The following TET2 variants were observed in gnomAD, a reference collection of about 807,000 sequenced individuals.
TET2 encodes tet methylcytosine dioxygenase 2, also known as methylcytosine dioxygenase TET2.
A neutral mutation model predicts 142.9 loss-of-function variants in TET2; 299 were observed. That is an observed-to-expected ratio of 2.09 (90% CI 1.90 to 2.30). TET2 has a LOEUF of 2.30. Ranked by LOEUF, TET2 falls within the 30% of genes most tolerant of loss-of-function variation. The pLI is 0.00. For missense variants in TET2, 2,418 were observed against 2,378.0 expected, an observed-to-expected ratio of 1.02 and a Z score of -0.35; for synonymous variants, 819 against 849.0, an observed-to-expected ratio of 0.96 and a Z score of 0.61.
intron 2 of TET2, among the ~76,000 whole-genome samples, chr4:105,194,911 A>G (rs1195283499): frequency 6.6e-6 from 1 of 152,164 alleles, no homozygotes; most frequent in African/African-American, 2.4e-5. Flanking sequence ...ACTCTTATAC[A>G]TGGTGTCTTG....
chr4:105,157,731 C>T (rs1014414376), intron 1 of TET2, among the ~76,000 whole-genome samples: 2 of 152,088 alleles, frequency 1.3e-5, no homozygotes, highest in Non-Finnish European at 2.9e-5. Context: ...GGCTGGAGTG[C>T]AGTGGCATGA....
intron 4 of TET2, chr4:105,242,124 T>G (rs1729337868): frequency 8.5e-7 from 1 of 1,169,596 alleles, no homozygotes; most frequent in African/African-American, 1.6e-5. Context: ...ATTAAAGTAC[T>G]TAGGATACAT....
At chr4:105,182,720 A>AT (rs1458341104) in intron 1 of TET2, among the ~76,000 whole-genome samples, 1 of 152,144 alleles carries the variant, frequency 6.6e-6, no homozygotes, top group Non-Finnish European at 1.5e-5. Context: ...TACTGAAGGA[A>AT]TTTTTTTAAA....
intron 1 of TET2, among the ~76,000 whole-genome samples, chr4:105,159,251 CTTTTTTT>C (rs779676545): frequency 1.9e-4 from 25 of 134,576 alleles, no homozygotes; most frequent in Admixed American, 8.2e-4. Flanking sequence ...TTCTTTCTTT[CTTTTTTT>C]TTTTTTTTTT....
Position 105,235,946 on chromosome 4 carries a change from AC to A in TET2, c.2006del (p.Pro669GlnfsTer31). On this transcript the variant is annotated frameshift_variant, in exon 3 of 11. Coordinates refer to ENST00000380013, the MANE Select transcript of TET2 (RefSeq NM_001127208.3). LOFTEE classifies it high-confidence loss of function. ...TGCACTTCTCCAAAACAGACCATTT[AC>A]CAAAAGCTCATGTGCAGTCACTGTG... ...QVHFSKTDHL[P>X]KAHVQSLCGT... The A allele has an allele frequency of 6.2e-7, 1 of 1,614,162 alleles. No individual in the cohort carries two copies. Among genetic ancestry groups the A allele is most frequent in the Non-Finnish European group, 8.5e-7 (1 of 1,180,012 alleles).
chr4:105,154,356 G>A (rs1723458704), intron 1 of TET2, among the ~76,000 whole-genome samples: 1 of 152,186 alleles, frequency 6.6e-6, no homozygotes, highest in Non-Finnish European at 1.5e-5. Context: ...GTCAGAAAAT[G>A]TCTTACATCT....
At chr4:105,237,491 C>T in intron 3 of TET2, 140 bp downstream of exon 3, 2 of 1,604,760 alleles carry the variant, frequency 1.2e-6, no homozygotes, top group Non-Finnish European at 1.7e-6. Context: ...CTGAAGCTTA[C>T]ATTTTTTGTC....
intron 2 of TET2, among the ~76,000 whole-genome samples, chr4:105,191,286 T>C (rs1725771586): frequency 6.6e-6 from 1 of 152,230 alleles, no homozygotes; most frequent in Admixed American, 6.5e-5. Flanking sequence ...TTGCTCTGAA[T>C]GCCATGACCT....
rs867507317 is a variant in TET2 at position 105,276,010 on chromosome 4, C to T, written c.5500C>T (p.Gln1834Ter). ...GGAAAAGCAGCCATTGGCACTAGTC[C>T]AGGGTGTGGCTTCTGGTGCAGAGGA... ...GQEKQPLALV[Q>*]GVASGAEDND... The change falls in exon 11 of 11, where the codon CAG becomes TAG. Residue 1834 changes from glutamine to a stop codon, truncating the protein, a stop_gained. Coordinates refer to ENST00000380013, the MANE Select transcript of TET2 (RefSeq NM_001127208.3). LOFTEE classifies it high-confidence loss of function. The T allele has an allele frequency of 1.9e-6, 3 of 1,551,554 alleles. No homozygotes were observed. Among genetic ancestry groups the T allele is most frequent in the Non-Finnish European group, 1.7e-6 (2 of 1,146,988 alleles).
At chr4:105,247,957 A>G (rs1729667807) in intron 6 of TET2, among the ~76,000 whole-genome samples, 3 of 151,950 alleles carry the variant, frequency 2.0e-5, no homozygotes, top group Admixed American at 1.3e-4. Flanking sequence ...CCTGGCCTCA[A>G]GTGATCCGCC....
At position 105,236,655 on chromosome 4, in the gene TET2, G is replaced by T. The variant is rs756441585; in HGVS notation, c.2713G>T (p.Asp905Tyr). The stretch of plus-strand genomic sequence containing the variant: ...ACAGGGATATAAAAATAGAAACCAA[G>T]ATATGTCTGGTCAACAAGCTGCGCA... ...VLQGYKNRNQ[D>Y]MSGQQAAQLA... Residue 905 changes from aspartate to tyrosine, a missense_variant, in exon 3 of 11, where the codon GAT becomes TAT. By Grantham distance (160) the Asp-to-Tyr change is radical. Transcript: ENST00000380013. The T allele has an allele frequency of 2.5e-6, 4 of 1,613,940 alleles. No homozygotes were observed. The Admixed American group carries it at 5.0e-5, about 20-fold the overall frequency.
At chr4:105,242,574 G>A (rs1421197061) in intron 4 of TET2, 2 of 1,205,948 alleles carry the variant, frequency 1.7e-6, no homozygotes, top group Non-Finnish European at 2.1e-6. Context: ...ATATCGAAAT[G>A]AGCTTTCCCA....
intron 8 of TET2, among the ~76,000 whole-genome samples, chr4:105,263,528 T>C (rs1730546547): frequency 6.6e-6 from 1 of 152,182 alleles, no homozygotes; most frequent in African/African-American, 2.4e-5. Context: ...TTTGGACAGG[T>C]AGTTCTATTA....
chr4:105,154,870 C>T (rs1403085436), intron 1 of TET2, among the ~76,000 whole-genome samples: 1 of 151,930 alleles, frequency 6.6e-6, no homozygotes, highest in Non-Finnish European at 1.5e-5. Context: ...ACAAAAAATG[C>T]ACAAATTAGC....
chr4:105,272,447 T>A, intron 9 of TET2, 117 bp from the exon 10 acceptor site: 1 of 669,960 alleles, frequency 1.5e-6, no homozygotes, highest in South Asian at 2.1e-5. Flanking sequence ...GTCACTGATC[T>A]GGATCAACTA....
At chr4:105,264,349 A>C (rs920766725) in intron 8 of TET2, among the ~76,000 whole-genome samples, 2 of 152,152 alleles carry the variant, frequency 1.3e-5, no homozygotes, top group Non-Finnish European at 2.9e-5. Flanking sequence ...CAAGCTATAA[A>C]AATAAATAAA....
intron 2 of TET2, among the ~76,000 whole-genome samples, chr4:105,203,417 T>G (rs1382914029): frequency 6.6e-6 from 1 of 152,254 alleles, no homozygotes; most frequent in Non-Finnish European, 1.5e-5. Flanking sequence ...TTCTAAACAG[T>G]ACTGTAATCA....
At chr4:105,181,193 G>A (rs1725102967) in intron 1 of TET2, among the ~76,000 whole-genome samples, 2 of 152,044 alleles carry the variant, frequency 1.3e-5, no homozygotes, top group South Asian at 2.1e-4. Context: ...TATACTCCTT[G>A]GCCATGTCTT....
At chr4:105,150,343 T>C (rs1433679872) in intron 1 of TET2, among the ~76,000 whole-genome samples, 1 of 152,242 alleles carries the variant, frequency 6.6e-6, no homozygotes, top group African/African-American at 2.4e-5. Context: ...TTTGTTGTTA[T>C]TGTTTTAATA....
Sources: allele counts gnomAD v4.1 joint callset (sites outside exome capture counted in the v4.1 genomes callset), GRCh38; gene constraint gnomAD v4.1.1; transcripts MANE v1.5; gene names NCBI Gene and HGNC (gene_info 2026-07-23, HGNC 2026-07-21).